The following RARB variants were observed in gnomAD, a reference collection of about 807,000 sequenced individuals.
RARB encodes retinoic acid receptor beta.
A neutral mutation model predicts 51.9 loss-of-function variants in RARB; 17 were observed. The observed-to-expected ratio is 0.33, with a 90% confidence interval of 0.22 to 0.49. RARB has a LOEUF of 0.49. Ranked by LOEUF, RARB falls within the 20% of genes least tolerant of loss-of-function variation. The pLI is 0.99. For missense variants in RARB, 369 were observed against 550.8 expected, an observed-to-expected ratio of 0.67 and a Z score of 3.30; for synonymous variants, 215 against 195.4, an observed-to-expected ratio of 1.10 and a Z score of -0.84.
intron 2 of RARB, among the ~76,000 whole-genome samples, chr3:24,904,106 T>G (rs1163406971): frequency 6.6e-6 from 1 of 152,170 alleles, no homozygotes; most frequent in Non-Finnish European, 1.5e-5. Flanking sequence ...AGAACAAAAT[T>G]GTCATATTCT....
chr3:25,435,441 G>A (rs1284959837), intron 1 of RARB, among the ~76,000 whole-genome samples: 5 of 152,094 alleles, frequency 3.3e-5, no homozygotes, highest in Admixed American at 2.6e-4. Flanking sequence ...CAGTACCTTT[G>A]TCATGTCATC....
intron 5 of RARB, among the ~76,000 whole-genome samples, chr3:25,381,539 A>G (rs1391396683): frequency 6.6e-6 from 1 of 152,240 alleles, no homozygotes; most frequent in Non-Finnish European, 1.5e-5. Flanking sequence ...TGCCTAGAAC[A>G]CAGTAAGAGC....
chr3:25,094,023 T>C (rs1207825430), intron 3 of RARB, among the ~76,000 whole-genome samples: 2 of 152,288 alleles, frequency 1.3e-5, no homozygotes, highest in Non-Finnish European at 1.5e-5. Flanking sequence ...CAGAACAAAG[T>C]GCCTGAGGAG....
intron 5 of RARB, among the ~76,000 whole-genome samples, chr3:25,212,908 G>A (rs546289400): frequency 3.9e-5 from 6 of 152,304 alleles, no homozygotes; most frequent in Non-Finnish European, 5.9e-5. Context: ...TCGCTCACTT[G>A]GGAGCCTGAA....
chr3:24,830,538 G>C (rs767984152), intron 1 of RARB, among the ~76,000 whole-genome samples: 13 of 150,914 alleles, frequency 8.6e-5, no homozygotes, highest in Middle Eastern at 3.4e-3. Flanking sequence ...CTCTCAGCGC[G>C]GGGTGAGTTT....
chr3:24,990,046 G>A (rs1696877516), intron 2 of RARB, among the ~76,000 whole-genome samples: 1 of 102,650 alleles, frequency 9.7e-6, no homozygotes, highest in Non-Finnish European at 1.9e-5. Context: ...TGATCCACCC[G>A]CCTCGGCCTC....
chr3:24,954,128 T>C (rs1431609473), intron 2 of RARB, among the ~76,000 whole-genome samples: 1 of 152,184 alleles, frequency 6.6e-6, no homozygotes, highest in Non-Finnish European at 1.5e-5. Context: ...GCTCTTTTTA[T>C]GGGTACCTCT....
rs1232752596 is a variant in RARB at position 25,193,003 on chromosome 3, T to C, written c.178+18428T>C. On this transcript the variant is annotated intron_variant, in intron 5 of 11. Transcript: ENST00000383772. The stretch of plus-strand genomic sequence containing the variant: ...CTCTAAATAAATGTTGCTTCAGACA[T>C]TGTAGGTGGAAAAAGCAAGAGGCAA... 3.9e-5 allele frequency among the ~76,000 whole-genome samples: 6 copies of C among 152,118 alleles called. No individual in the cohort carries two copies. In the South Asian group the frequency reaches 1.0e-3, roughly 26 times the overall value.
At chr3:25,181,251 A>T (rs934228024) in intron 5 of RARB, among the ~76,000 whole-genome samples, 1 of 152,188 alleles carries the variant, frequency 6.6e-6, no homozygotes, top group Non-Finnish European at 1.5e-5. Flanking sequence ...AGATTTTATG[A>T]AGCTTATAAC....
intron 5 of RARB, among the ~76,000 whole-genome samples, chr3:25,207,682 T>C (rs368751175): frequency 3.3e-5 from 5 of 152,330 alleles, no homozygotes; most frequent in African/African-American, 1.2e-4. Context: ...AGAGTTTTGT[T>C]TGTGCTGTTC....
chr3:25,194,479 G>A (rs1054728481), intron 5 of RARB, among the ~76,000 whole-genome samples: 3 of 147,878 alleles, frequency 2.0e-5, no homozygotes, highest in African/African-American at 5.0e-5. Flanking sequence ...ACAGTAGTGT[G>A]TATATATATA....
chr3:25,190,135 T>A (rs1701064957), intron 5 of RARB, among the ~76,000 whole-genome samples: 1 of 151,984 alleles, frequency 6.6e-6, no homozygotes. Flanking sequence ...AAAGGTAAAT[T>A]GTCAATGGAA....
At chr3:25,216,782 A>AAT (rs202103726) in intron 5 of RARB, among the ~76,000 whole-genome samples, 33 of 150,964 alleles carry the variant, frequency 2.2e-4, no homozygotes, top group South Asian at 4.2e-4. Flanking sequence ...TCTTCTAAAA[A>AAT]ATATATGTAT....
intron 2 of RARB, among the ~76,000 whole-genome samples, chr3:25,041,158 G>T (rs1698106638): frequency 6.6e-6 from 1 of 152,150 alleles, no homozygotes; most frequent in African/African-American, 2.4e-5. Context: ...TAACAAAAGT[G>T]TCTGGAGATG....
At chr3:25,459,722 C>T (rs1283915103) in intron 1 of RARB, among the ~76,000 whole-genome samples, 2 of 152,106 alleles carry the variant, frequency 1.3e-5, no homozygotes, top group Non-Finnish European at 2.9e-5. Context: ...TAAAAGCTTG[C>T]CTGCAGGATA....
intron 2 of RARB, among the ~76,000 whole-genome samples, chr3:25,483,260 G>T (rs999017205): frequency 6.6e-6 from 1 of 152,120 alleles, no homozygotes; most frequent in Non-Finnish European, 1.5e-5. Flanking sequence ...GAAAACTTGG[G>T]GAAATTTTGC....
intron 3 of RARB, among the ~76,000 whole-genome samples, chr3:25,527,864 C>T (rs1153599): frequency 0.46 from 70,195 of 151,910 alleles, 18,849 homozygotes; most frequent in African/African-American, 0.73. Flanking sequence ...GAAAAGCCCT[C>T]CCCTTCGCCC....
intron 5 of RARB, among the ~76,000 whole-genome samples, chr3:25,203,080 G>C (rs546740479): frequency 5.1e-4 from 78 of 152,214 alleles, no homozygotes; most frequent in African/African-American, 1.6e-3. Flanking sequence ...TCTCTTTGTA[G>C]GTCTCTAAGG....
At chr3:25,336,719 A>C (rs899249312) in intron 5 of RARB, among the ~76,000 whole-genome samples, 2 of 152,118 alleles carry the variant, frequency 1.3e-5, no homozygotes, top group African/African-American at 2.4e-5. Context: ...CACTGAACTA[A>C]TCCTAGGTTT....
Sources: gnomAD v4.1 joint callset for allele counts (sites outside exome capture counted in the v4.1 genomes callset) on GRCh38, gnomAD v4.1.1 for gene constraint, MANE v1.5 for transcripts, NCBI Gene and HGNC (gene_info 2026-07-23, HGNC 2026-07-21) for gene names.